The following PHIP variants were observed in gnomAD, a reference collection of about 807,000 sequenced individuals.
PHIP encodes PH-interacting protein.
PHIP carries 54 observed loss-of-function variants against 236.8 expected under a neutral mutation model. The ratio of observed to expected loss-of-function variants is 0.23; its 90% confidence interval spans 0.18 to 0.29. PHIP has a LOEUF of 0.29. Ranked by LOEUF, PHIP falls within the 10% of genes least tolerant of loss-of-function variation. The pLI, the probability that PHIP is intolerant of heterozygous loss-of-function variation, is 1.00. For missense variants in PHIP, 1,370 were observed against 2,190.8 expected (o/e 0.63, Z 7.48); for synonymous variants, 756 against 718.9 (o/e 1.05, Z -0.83).
chr6:78,995,747 T>C (rs1469915067), intron 19 of PHIP, among the ~76,000 whole-genome samples: 1 of 152,234 alleles, frequency 6.6e-6, no homozygotes, highest in Non-Finnish European at 1.5e-5. Flanking sequence ...ATGAGAATTA[T>C]TTCTATGTTA....
At chr6:79,077,157 G>A (rs1252899839) in intron 4 of PHIP, among the ~76,000 whole-genome samples, 6 of 151,818 alleles carry the variant, frequency 4.0e-5, no homozygotes, top group African/African-American at 9.7e-5. Context: ...CGCGCGCGCC[G>A]GCCCCTCCTC....
At chr6:79,074,025 G>A (rs887187919) in intron 4 of PHIP, among the ~76,000 whole-genome samples, 1 of 151,956 alleles carries the variant, frequency 6.6e-6, no homozygotes, top group African/African-American at 2.4e-5. Context: ...GAGATAACTG[G>A]GACAAAGAGA....
At chr6:78,965,412 T>A (rs1767064234) in intron 29 of PHIP, among the ~76,000 whole-genome samples, 1 of 152,212 alleles carries the variant, frequency 6.6e-6, no homozygotes, top group South Asian at 2.1e-4. Context: ...TACAAAAGTG[T>A]CTCTGCCTCC....
rs1773282393 is a variant in PHIP, at chr6:78,936,687, TCA to T, written c.*4004_*4005del. ...TCTATTTATAGCTCATATTTTCTAC[TCA>T]CTGTTCTACTGCAGTGTGTACAAGG... On this transcript the variant is annotated 3_prime_UTR_variant, in exon 40 of 40. Transcript: ENST00000275034. The T allele has an allele frequency of 6.6e-6, 1 of 151,856 alleles. No individual in the cohort carries two copies. Among genetic ancestry groups the T allele is most frequent in the Non-Finnish European group, 1.5e-5 (1 of 67,756 alleles). 9.4% of individuals were successfully genotyped at this position (151,856 alleles called of 1,614,324 possible). A position where few individuals can be genotyped will look rare whatever the true frequency, so the allele number is the denominator to read the frequency against.
At chr6:79,046,644 A>C (rs886905414) in intron 6 of PHIP, among the ~76,000 whole-genome samples, 8 of 152,152 alleles carry the variant, frequency 5.3e-5, no homozygotes, top group African/African-American at 1.9e-4. Flanking sequence ...TGGGAGGCTG[A>C]GGTGGGTGGA....
At chr6:78,956,927 T>G (rs768985376) in intron 32 of PHIP, 1 of 152,086 alleles carries the variant, frequency 6.6e-6, no homozygotes, top group African/African-American at 2.4e-5. Context: ...TCCATCACAT[T>G]ACTTTGTATG....
intron 6 of PHIP, among the ~76,000 whole-genome samples, chr6:79,046,314 C>G (rs983839563): frequency 6.6e-6 from 1 of 152,160 alleles, no homozygotes. Context: ...CTGAATAAAG[C>G]CTAACCTAAC....
At chr6:79,036,576 T>C (rs1235173402) in intron 7 of PHIP, among the ~76,000 whole-genome samples, 1 of 152,154 alleles carries the variant, frequency 6.6e-6, no homozygotes, top group Non-Finnish European at 1.5e-5. Context: ...TCTCTCTCCA[T>C]ATAACATACA....
chr6:78,946,202 C>A lies in PHIP; in HGVS notation c.4429G>T (p.Ala1477Ser). 6.2e-7 allele frequency: 1 copy of A among 1,613,318 alleles called. No homozygotes were observed. Among genetic ancestry groups the A allele is most frequent in the Non-Finnish European group, 8.5e-7 (1 of 1,179,340 alleles). The change falls in exon 38 of 40, where the codon GCA becomes TCA. Residue 1477 changes from alanine to serine, a missense_variant. This residue lies in a region of PHIP where 125 missense variants were observed against 235.1 expected (regional missense o/e 0.53). Coordinates refer to ENST00000275034, the MANE Select transcript of PHIP (RefSeq NM_017934.7). Reference sequence around the variant, plus strand: ...ATTGATCGTGTAGGTGTAGAGAATGCAGAGGTAGAGCTTTCTGATTTTAGC... The same window carrying A: ...ATTGATCGTGTAGGTGTAGAGAATGAAGAGGTAGAGCTTTCTGATTTTAGC... ...PQLKSESSTS[A>S]FSTPTRSIPP...
chr6:79,014,999 A>G, intron 15 of PHIP, 83 bp downstream of exon 15: 1 of 1,113,210 alleles, frequency 9.0e-7, no homozygotes, highest in Non-Finnish European at 1.3e-6. Context: ...TTTTAAATGG[A>G]TTTCCTTTGT....
intron 17 of PHIP, among the ~76,000 whole-genome samples, chr6:78,998,909 A>G (rs1769811126): frequency 6.6e-6 from 1 of 152,134 alleles, no homozygotes; most frequent in Admixed American, 6.6e-5. Context: ...AATAAGGGAC[A>G]TGAAGATCCC....
chr6:79,024,680 C>T (rs1477531364), intron 9 of PHIP, among the ~76,000 whole-genome samples: 1 of 152,110 alleles, frequency 6.6e-6, no homozygotes, highest in African/African-American at 2.4e-5. Context: ...TGGCGGGCGC[C>T]TGTAGTCCCA....
chr6:79,060,872 A>G, intron 4 of PHIP, 54 bp from the exon 5 acceptor site: 1 of 1,256,244 alleles, frequency 8.0e-7, no homozygotes, highest in Non-Finnish European at 1.1e-6. Flanking sequence ...TTAATTTTCA[A>G]AATCTTTGAG....
At chr6:79,077,349 T>C (rs2127784266) in intron 4 of PHIP, 99 bp downstream of exon 4, 2 of 1,150,010 alleles carry the variant, frequency 1.7e-6, no homozygotes, top group South Asian at 2.4e-5. Context: ...GCTTTCACGT[T>C]CTAGGGCCAA....
chr6:78,987,495 G>C (rs892859516), intron 21 of PHIP, among the ~76,000 whole-genome samples: 5 of 152,102 alleles, frequency 3.3e-5, no homozygotes, highest in Non-Finnish European at 7.4e-5. Flanking sequence ...AATATATTTA[G>C]AGAATTCTCA....
intron 6 of PHIP, among the ~76,000 whole-genome samples, chr6:79,050,943 C>G (rs1456212212): frequency 2.0e-5 from 3 of 152,140 alleles, no homozygotes; most frequent in Non-Finnish European, 4.4e-5. Flanking sequence ...AGCAGGCCAT[C>G]AACTTTGTTG....
intron 20 of PHIP, among the ~76,000 whole-genome samples, chr6:78,988,762 A>C (rs976651598): frequency 6.6e-6 from 1 of 152,032 alleles, no homozygotes; most frequent in Non-Finnish European, 1.5e-5. Flanking sequence ...TTAATGACAG[A>C]CATAAGGATT....
intron 4 of PHIP, among the ~76,000 whole-genome samples, chr6:79,064,791 C>A (rs1773547197): frequency 6.6e-6 from 1 of 152,160 alleles, no homozygotes; most frequent in South Asian, 2.1e-4. Context: ...TCACTATATA[C>A]TCTCTCTTTG....
At chr6:78,946,415 G>C in intron 37 of PHIP, 155 bp from the exon 38 acceptor site, 1 of 1,400,226 alleles carries the variant, frequency 7.1e-7, no homozygotes. Context: ...GCCTTTGAAA[G>C]TGAATATTTA....
Sources: gnomAD v4.1 joint callset for allele counts (sites outside exome capture counted in the v4.1 genomes callset) on GRCh38, gnomAD v4.1.1 for gene constraint, gnomAD v4.1.1 regional missense constraint, MANE v1.5 for transcripts, NCBI Gene and HGNC (gene_info 2026-07-23, HGNC 2026-07-21) for gene names.